Variants in RBFOX1 observed in about 807,000 individuals in gnomAD.
The protein encoded by RBFOX1 is RNA binding protein fox-1 homolog 1.
RBFOX1 carries 8 observed loss-of-function variants against 57.7 expected under a neutral mutation model. The observed-to-expected ratio is 0.14, with a 90% CI of 0.08 to 0.25. The LOEUF is 0.25. Ranked by LOEUF, RBFOX1 falls within the 10% of genes least tolerant of loss-of-function variation. The pLI, the probability that RBFOX1 is intolerant of heterozygous loss-of-function variation, is 1.00. For missense variants in RBFOX1, 611 were observed against 548.5 expected, an observed-to-expected ratio of 1.11 and a Z score of -1.14; for synonymous variants, 326 against 222.4, an observed-to-expected ratio of 1.47 and a Z score of -4.15.
intron 1 of RBFOX1, among the ~76,000 whole-genome samples, chr16:5,427,213 A>G (rs973886437): frequency 6.6e-6 from 1 of 152,248 alleles, no homozygotes; most frequent in African/African-American, 2.4e-5. Flanking sequence ...GAGTACCATC[A>G]GATGTGTACC....
chr16:6,744,501 A>G (rs2073096679), intron 3 of RBFOX1, among the ~76,000 whole-genome samples: 1 of 152,124 alleles, frequency 6.6e-6, no homozygotes, highest in South Asian at 2.1e-4. Flanking sequence ...TATTTCTCCA[A>G]TCGCAGTGGA....
At chr16:6,684,076 G>A (rs1163691085) in intron 3 of RBFOX1, among the ~76,000 whole-genome samples, 2 of 152,174 alleles carry the variant, frequency 1.3e-5, no homozygotes, top group Non-Finnish European at 2.9e-5. Context: ...TCTCATTTGT[G>A]TGTACACGGT....
chr16:5,570,108 T>C (rs1256718276), intron 2 of RBFOX1, among the ~76,000 whole-genome samples: 1 of 152,214 alleles, frequency 6.6e-6, no homozygotes, highest in Non-Finnish European at 1.5e-5. Context: ...TGGGTGAGTC[T>C]TCCACACCTG....
At chr16:6,635,001 A>G (rs973939217) in intron 2 of RBFOX1, among the ~76,000 whole-genome samples, 96 of 142,880 alleles carry the variant, frequency 6.7e-4, no homozygotes, top group Admixed American at 1.2e-3. Flanking sequence ...ATAATGTAAT[A>G]TAATACTTTA....
chr16:5,987,416 A>G (rs887680769), intron 4 of RBFOX1, among the ~76,000 whole-genome samples: 2 of 152,236 alleles, frequency 1.3e-5, no homozygotes, highest in Admixed American at 1.3e-4. Context: ...ATTTTTAAAA[A>G]TGGATCATGT....
chr16:7,434,096 A>C (rs949669594), intron 4 of RBFOX1, among the ~76,000 whole-genome samples: 4 of 152,132 alleles, frequency 2.6e-5, no homozygotes, highest in Admixed American at 2.0e-4. Flanking sequence ...AAGAAAGATC[A>C]GGGCTGATTT....
intron 3 of RBFOX1, among the ~76,000 whole-genome samples, chr16:6,867,514 T>G (rs2060147623): frequency 6.6e-6 from 1 of 151,716 alleles, no homozygotes; most frequent in Admixed American, 6.6e-5. Context: ...AGGTCAGGAG[T>G]TCGAGATCAG....
In RBFOX1 at chr16:7,485,703, A is replaced by T. The variant is rs184071043; in HGVS notation, c.28-32444A>T. Among the ~76,000 whole-genome samples, 27 of 152,348 alleles carry T rather than the reference A, an allele frequency of 1.8e-4. No homozygotes were observed. The East Asian group carries it at 5.0e-3, about 28-fold the overall frequency. ...TTTTGTTATTATGTGAAACACATCC[A>T]TATATAATGTATATGTATCCATAAT... On this transcript the variant is annotated intron_variant, in intron 4 of 15. Coordinates refer to ENST00000550418, the MANE Select transcript of RBFOX1 (RefSeq NM_018723.4).
chr16:6,351,022 A>T (rs1200077440), intron 2 of RBFOX1, among the ~76,000 whole-genome samples: 1 of 152,168 alleles, frequency 6.6e-6, no homozygotes, highest in Non-Finnish European at 1.5e-5. Flanking sequence ...CAAAGTTGTG[A>T]TATGTCATCT....
chr16:6,021,531 G>T (rs1367847822), intron 1 of RBFOX1, among the ~76,000 whole-genome samples: 1 of 152,200 alleles, frequency 6.6e-6, no homozygotes, highest in African/African-American at 2.4e-5. Flanking sequence ...GTAAAAAGTG[G>T]GGCTGACTCA....
chr16:6,049,053 CT>C (rs534794320), intron 1 of RBFOX1, among the ~76,000 whole-genome samples: 7,757 of 112,832 alleles, frequency 0.069, 185 homozygotes, highest in East Asian at 0.27. Flanking sequence ...CTTCTAACAG[CT>C]TTTTTTTTTT....
intron 3 of RBFOX1, among the ~76,000 whole-genome samples, chr16:5,665,366 A>G (rs923096894): frequency 4.0e-5 from 6 of 151,780 alleles, no homozygotes; most frequent in African/African-American, 2.4e-5. Flanking sequence ...CTTTAAGGAC[A>G]TCCTATCTTA....
chr16:7,444,651 G>C (rs2098794804), intron 4 of RBFOX1, among the ~76,000 whole-genome samples: 1 of 151,838 alleles, frequency 6.6e-6, no homozygotes, highest in Non-Finnish European at 1.5e-5. Context: ...TTCTACCTTT[G>C]TCTCCCAAGT....
At chr16:5,360,531 G>A (rs2065517711) in intron 1 of RBFOX1, among the ~76,000 whole-genome samples, 1 of 152,176 alleles carries the variant, frequency 6.6e-6, no homozygotes, top group Admixed American at 6.5e-5. Flanking sequence ...TCAGCTACCT[G>A]GGCTGAGTCT....
intron 4 of RBFOX1, among the ~76,000 whole-genome samples, chr16:7,316,684 G>A (rs906619930): frequency 1.3e-5 from 2 of 152,104 alleles, no homozygotes; most frequent in African/African-American, 4.8e-5. Context: ...TTGGATTCAG[G>A]GGTGAGGGAA....
chr16:5,811,517 C>G (rs1170547454), intron 3 of RBFOX1, among the ~76,000 whole-genome samples: 2 of 150,066 alleles, frequency 1.3e-5, no homozygotes, highest in South Asian at 2.1e-4. Flanking sequence ...GTGGCACAAT[C>G]TCAGCTCACC....
intron 1 of RBFOX1, among the ~76,000 whole-genome samples, chr16:5,280,374 C>A (rs899505667): frequency 1.3e-5 from 2 of 152,018 alleles, no homozygotes; most frequent in African/African-American, 4.8e-5. Context: ...TGTGTGTATT[C>A]GGAATATTGG....
At chr16:5,775,905 G>C (rs1219425678) in intron 3 of RBFOX1, among the ~76,000 whole-genome samples, 3 of 152,170 alleles carry the variant, frequency 2.0e-5, no homozygotes, top group Non-Finnish European at 2.9e-5. Flanking sequence ...CTTTTTTAAA[G>C]GTTCTGTCTC....
At chr16:6,934,557 AT>A (rs1426827023) in intron 3 of RBFOX1, among the ~76,000 whole-genome samples, 1 of 152,182 alleles carries the variant, frequency 6.6e-6, no homozygotes, top group Admixed American at 6.5e-5. Context: ...AAAAGAAGGA[AT>A]TTTTTAAAAA....
Sources: gnomAD v4.1 joint callset for allele counts (sites outside exome capture counted in the v4.1 genomes callset) on GRCh38, gnomAD v4.1.1 for gene constraint, MANE v1.5 for transcripts, NCBI Gene and HGNC (gene_info 2026-07-23, HGNC 2026-07-21) for gene names.